CDH12: variants seen among roughly 807,000 people sequenced by gnomAD.
CDH12 encodes the protein cadherin-12.
Under a neutral mutation model 74.1 loss-of-function variants are expected in CDH12, and 41 were observed. That is an observed-to-expected ratio of 0.55 (90% CI 0.43 to 0.72). CDH12 has a LOEUF of 0.72. Ranked by LOEUF, CDH12 falls within the 30% of genes least tolerant of loss-of-function variation. The pLI is 0.00. For missense variants in CDH12, 945 were observed against 977.2 expected, an observed-to-expected ratio of 0.97 and a Z score of 0.44; for synonymous variants, 399 against 355.0, an observed-to-expected ratio of 1.12 and a Z score of -1.39.
chr5:21,935,683 C>T (rs571556219), intron 6 of CDH12, among the ~76,000 whole-genome samples: 10 of 152,170 alleles, frequency 6.6e-5, no homozygotes, highest in African/African-American at 2.4e-4. Flanking sequence ...AATGCTAGGT[C>T]TTATTCATTC....
At chr5:22,075,733 T>C (rs890409157) in intron 5 of CDH12, among the ~76,000 whole-genome samples, 1 of 152,044 alleles carries the variant, frequency 6.6e-6, no homozygotes, top group African/African-American at 2.4e-5. Flanking sequence ...AAAGTTTCAC[T>C]TGGATTTTCA....
At chr5:21,826,704 A>C (rs769584457) in intron 8 of CDH12, among the ~76,000 whole-genome samples, 1 of 152,202 alleles carries the variant, frequency 6.6e-6, no homozygotes, top group African/African-American at 2.4e-5. Context: ...GAAACGAATA[A>C]ATTTTTAAAT....
At chr5:22,547,398 TA>T (rs1258672743) in intron 1 of CDH12, among the ~76,000 whole-genome samples, 2 of 152,188 alleles carry the variant, frequency 1.3e-5, no homozygotes, top group African/African-American at 4.8e-5. Context: ...GCTGAGACTA[TA>T]AATGCATTAA....
intron 1 of CDH12, among the ~76,000 whole-genome samples, chr5:22,841,823 T>C (rs996108356): frequency 4.6e-5 from 7 of 152,150 alleles, no homozygotes; most frequent in African/African-American, 1.7e-4. Flanking sequence ...TTATGCATTT[T>C]TGAGTTGGCA....
intron 5 of CDH12, among the ~76,000 whole-genome samples, chr5:22,043,959 T>C (rs1460413594): frequency 6.6e-6 from 1 of 151,962 alleles, no homozygotes. Context: ...AGTGGAAAAA[T>C]ACCCCATGTT....
At chr5:22,112,269 A>G (rs1744860226) in intron 4 of CDH12, among the ~76,000 whole-genome samples, 2 of 152,164 alleles carry the variant, frequency 1.3e-5, no homozygotes, top group Non-Finnish European at 2.9e-5. Flanking sequence ...GGACAAGGGG[A>G]AAAAGTTTTC....
chr5:22,694,720 TGTACAC>T (rs33927193), intron 1 of CDH12, among the ~76,000 whole-genome samples: 90,939 of 150,920 alleles, frequency 0.6, 27,900 homozygotes, highest in Admixed American at 0.7. Flanking sequence ...TTCCACCCCT[TGTACAC>T]GTCTTTCAAT....
At chr5:22,639,897 A>G (rs1419098715) in intron 1 of CDH12, among the ~76,000 whole-genome samples, 3 of 152,196 alleles carry the variant, frequency 2.0e-5, no homozygotes, top group African/African-American at 7.2e-5. Context: ...TCAACCTATT[A>G]ATCAGGAAGA....
At chr5:22,813,748 C>T (rs1356881141) in intron 1 of CDH12, among the ~76,000 whole-genome samples, 1 of 152,044 alleles carries the variant, frequency 6.6e-6, no homozygotes, top group Non-Finnish European at 1.5e-5. Context: ...AACTAAGGCC[C>T]TAAACCAAAG....
intron 4 of CDH12, among the ~76,000 whole-genome samples, chr5:22,115,961 A>C (rs1745076584): frequency 6.6e-6 from 1 of 152,106 alleles, no homozygotes; most frequent in Non-Finnish European, 1.5e-5. Context: ...AAGTGCTGGG[A>C]TTACAGGCAT....
chr5:21,880,572 T>TTTCTTTCCTTCCTTCC (rs1752224436), intron 6 of CDH12, among the ~76,000 whole-genome samples: 9 of 12,944 alleles, frequency 7.0e-4, no homozygotes, highest in African/African-American at 1.2e-3. Flanking sequence ...CCCTTCTTTC[T>TTTCTTTCCTTCCTTCC]TTCCTTCCTT....
At chr5:22,568,567 A>G (rs778031360) in intron 1 of CDH12, among the ~76,000 whole-genome samples, 4 of 152,192 alleles carry the variant, frequency 2.6e-5, no homozygotes, top group Non-Finnish European at 5.9e-5. Flanking sequence ...AGAATGACGT[A>G]TATATATGAA....
At chr5:22,687,632 C>T (rs768852765) in intron 1 of CDH12, among the ~76,000 whole-genome samples, 39 of 152,108 alleles carry the variant, frequency 2.6e-4, no homozygotes, top group Admixed American at 9.8e-4. Context: ...CCAGACCGGT[C>T]TTGAGCTCCT....
intron 3 of CDH12, among the ~76,000 whole-genome samples, chr5:22,234,536 C>T (rs1752494314): frequency 6.6e-6 from 1 of 151,710 alleles, no homozygotes; most frequent in African/African-American, 2.4e-5. Context: ...TCCAATTAAA[C>T]ATCTTTTTCT....
intron 9 of CDH12, among the ~76,000 whole-genome samples, chr5:21,807,583 A>T (rs1171990576): frequency 6.6e-6 from 1 of 152,172 alleles, no homozygotes; most frequent in African/African-American, 2.4e-5. Flanking sequence ...GGCATAAATT[A>T]TAAGAGAATA....
chr5:22,308,857 G>A (rs62350758), intron 3 of CDH12, among the ~76,000 whole-genome samples: 5 of 136,180 alleles, frequency 3.7e-5, no homozygotes, highest in Non-Finnish European at 6.5e-5. Context: ...TACACACAGA[G>A]AGAGAGAGAG....
chr5:21,911,577 TTC>T (rs1404866059), intron 6 of CDH12, among the ~76,000 whole-genome samples: 2 of 152,092 alleles, frequency 1.3e-5, no homozygotes, highest in Non-Finnish European at 2.9e-5. Flanking sequence ...ATAGCTTATA[TTC>T]TCTGTGAGTT....
intron 3 of CDH12, among the ~76,000 whole-genome samples, chr5:22,332,823 C>T (rs1457224649): frequency 6.6e-6 from 1 of 152,086 alleles, no homozygotes; most frequent in African/African-American, 2.4e-5. Flanking sequence ...ACAATAGATG[C>T]TGGTGAGGAT....
intron 5 of CDH12, among the ~76,000 whole-genome samples, chr5:21,997,906 T>C (rs998110625): frequency 6.6e-6 from 1 of 152,082 alleles, no homozygotes; most frequent in Non-Finnish European, 1.5e-5. Context: ...GTTTTCCAAT[T>C]TGGGGTAGGA....
Sources: allele counts gnomAD v4.1 joint callset (sites outside exome capture counted in the v4.1 genomes callset), GRCh38; gene constraint gnomAD v4.1.1; transcripts MANE v1.5; gene names NCBI Gene and HGNC (gene_info 2026-07-23, HGNC 2026-07-21).